NARS2: variants seen among roughly 807,000 people sequenced by gnomAD.
NARS2 encodes asparaginyl-tRNA synthetase 2, mitochondrial, also known as asparaginyl-tRNA synthetase.
A neutral mutation model predicts 62.9 loss-of-function variants in NARS2; 60 were observed. The ratio of observed to expected loss-of-function variants is 0.95; its 90% CI spans 0.77 to 1.18. The LOEUF (loss-of-function observed/expected upper bound fraction) is 1.18. Among genes scored for constraint, NARS2 ranks in the 50% most tolerant of loss-of-function variants. NARS2 has a pLI of 0.00. For missense variants in NARS2, 619 were observed against 576.4 expected (o/e 1.07, Z -0.76); for synonymous variants, 196 against 200.0 (o/e 0.98, Z 0.17).
intron 5 of NARS2, among the ~76,000 whole-genome samples, chr11:78,554,757 CTTTA>C (rs1387145321): frequency 6.6e-6 from 1 of 152,088 alleles, no homozygotes; most frequent in Non-Finnish European, 1.5e-5. Context: ...TTTAGATGTC[CTTTA>C]TTTATCTTGC....
chr11:78,440,339 C>A (rs2135132625), intron 13 of NARS2, among the ~76,000 whole-genome samples: 1 of 152,282 alleles, frequency 6.6e-6, no homozygotes, highest in East Asian at 1.9e-4. Context: ...GCTGGGATTA[C>A]AGGCGTGAGC....
chr11:78,460,370 G>A (rs1455324988), intron 11 of NARS2, among the ~76,000 whole-genome samples: 1 of 151,636 alleles, frequency 6.6e-6, no homozygotes, highest in Non-Finnish European at 1.5e-5. Context: ...GGCTCCCAAA[G>A]TGCAGGGATT....
intron 6 of NARS2, among the ~76,000 whole-genome samples, chr11:78,511,340 A>G (rs79868936): frequency 3.7e-4 from 56 of 152,248 alleles, no homozygotes; most frequent in African/African-American, 1.3e-3. Flanking sequence ...TGTCCTCCCC[A>G]AGTGCTGGGA....
intron 11 of NARS2, among the ~76,000 whole-genome samples, chr11:78,448,722 G>A (rs925693003): frequency 6.6e-6 from 1 of 152,214 alleles, no homozygotes; most frequent in Non-Finnish European, 1.5e-5. Context: ...ACCGGAAGGA[G>A]GTAGACCAGA....
At chr11:78,537,623 G>C (rs952540413) in intron 5 of NARS2, among the ~76,000 whole-genome samples, 10 of 152,144 alleles carry the variant, frequency 6.6e-5, no homozygotes, top group Non-Finnish European at 1.5e-4. Flanking sequence ...CATAGTGAGA[G>C]GTCCATGTCT....
At chr11:78,481,117 GGCCTA>G (rs1859335860) in intron 7 of NARS2, among the ~76,000 whole-genome samples, 2 of 151,102 alleles carry the variant, frequency 1.3e-5, no homozygotes, top group East Asian at 3.9e-4. Context: ...CACCACACCT[GGCCTA>G]ACTTTTTATT....
intron 11 of NARS2, among the ~76,000 whole-genome samples, chr11:78,449,784 T>C (rs1434960440): frequency 3.9e-5 from 6 of 152,308 alleles, no homozygotes; most frequent in Middle Eastern, 3.4e-3. Flanking sequence ...ATACTCCCCT[T>C]GTTGTAACAA....
chr11:78,560,910 C>T (rs60336437), intron 4 of NARS2, among the ~76,000 whole-genome samples: 10,534 of 152,040 alleles, frequency 0.069, 1,224 homozygotes, highest in African/African-American at 0.24. Context: ...TCCACATGAA[C>T]GTAGGCAACT....
chr11:78,541,475 C>G (rs1441873249), intron 5 of NARS2, among the ~76,000 whole-genome samples: 1 of 152,028 alleles, frequency 6.6e-6, no homozygotes, highest in Admixed American at 6.5e-5. Flanking sequence ...ATTTTTTATC[C>G]TGTAGTGTTG....
chr11:78,473,585 C>T (rs1591170045), intron 9 of NARS2, among the ~76,000 whole-genome samples: 1 of 152,170 alleles, frequency 6.6e-6, no homozygotes, highest in South Asian at 2.1e-4. Flanking sequence ...TATTTTAATG[C>T]CCTGGCATGA....
At chr11:78,567,642 C>A (rs1856789830) in intron 3 of NARS2, among the ~76,000 whole-genome samples, 1 of 152,118 alleles carries the variant, frequency 6.6e-6, no homozygotes, top group Admixed American at 6.6e-5. Flanking sequence ...ATCTTAGAAC[C>A]TGATTTCTGA....
intron 13 of NARS2, among the ~76,000 whole-genome samples, chr11:78,440,689 T>C (rs1389214808): frequency 6.6e-6 from 1 of 152,008 alleles, no homozygotes; most frequent in Non-Finnish European, 1.5e-5. Context: ...CCTGCCACCA[T>C]ACCCGGCTAA....
chr11:78,489,448 T>A (rs931601322), intron 7 of NARS2, among the ~76,000 whole-genome samples: 1 of 152,216 alleles, frequency 6.6e-6, no homozygotes, highest in African/African-American at 2.4e-5. Context: ...TACTTGGTAC[T>A]AATGAAGAAC....
chr11:78,563,376 C>T (rs1856618273), intron 4 of NARS2, among the ~76,000 whole-genome samples: 1 of 151,752 alleles, frequency 6.6e-6, no homozygotes, highest in African/African-American at 2.4e-5. Flanking sequence ...CAACACCACG[C>T]CCAGCTAATT....
At chr11:78,517,719 A>G (rs1860964988) in intron 6 of NARS2, among the ~76,000 whole-genome samples, 1 of 152,216 alleles carries the variant, frequency 6.6e-6, no homozygotes, top group South Asian at 2.1e-4. Flanking sequence ...GAAGCTAAAT[A>G]TTCCTACTTA....
intron 9 of NARS2, among the ~76,000 whole-genome samples, 191 bp downstream of exon 9, chr11:78,478,247 T>C (rs1365320134): frequency 1.4e-4 from 22 of 151,932 alleles, no homozygotes; most frequent in Admixed American, 7.9e-4. Flanking sequence ...ACACAAGAGC[T>C]ATAAAAATAA....
intron 6 of NARS2, among the ~76,000 whole-genome samples, chr11:78,522,163 G>A (rs1368605556): frequency 7.4e-6 from 1 of 135,890 alleles, no homozygotes; most frequent in African/African-American, 2.8e-5. Flanking sequence ...TTCGTGTGTT[G>A]CCCAAGCTGG....
chr11:78,453,856 A>T (rs957659036), intron 11 of NARS2, among the ~76,000 whole-genome samples: 1 of 152,200 alleles, frequency 6.6e-6, no homozygotes, highest in Non-Finnish European at 1.5e-5. Context: ...CTGAAAATGG[A>T]CTTTGGCTAC....
intron 6 of NARS2, among the ~76,000 whole-genome samples, chr11:78,510,147 TG>T (rs1262406260): frequency 1.3e-5 from 2 of 152,162 alleles, no homozygotes; most frequent in African/African-American, 4.8e-5. Flanking sequence ...TTACTTTAAA[TG>T]TAAATGGATT....
Sources: gnomAD v4.1 joint callset for allele counts (sites outside exome capture counted in the v4.1 genomes callset) on GRCh38, gnomAD v4.1.1 for gene constraint, MANE v1.5 for transcripts, NCBI Gene and HGNC (gene_info 2026-07-23, HGNC 2026-07-21) for gene names.